CIMIP2A: variants seen among roughly 807,000 people sequenced by gnomAD.
CIMIP2A encodes ciliary microtubule inner protein 2A.
chr9:137,252,875 A>C, the CIMIP2A span: 1 of 1,590,356 alleles, frequency 6.3e-7, no homozygotes, highest in Non-Finnish European at 8.6e-7. Context: ...CAACACCTAC[A>C]ATATCCTTCC....
the CIMIP2A span, chr9:137,247,835 GC>G: frequency 1.0e-6 from 1 of 979,424 alleles, no homozygotes; most frequent in Non-Finnish European, 1.6e-6. Flanking sequence ...CACCTCCTGG[GC>G]CAGGCCACCT....
the CIMIP2A span, chr9:137,252,455 C>A: frequency 6.2e-7 from 1 of 1,610,932 alleles, no homozygotes; most frequent in Non-Finnish European, 8.5e-7. Context: ...GGCCGCAGGG[C>A]ATGGCAGACT....
At chr9:137,247,695 G>GATCA in the CIMIP2A span, 1 of 1,613,412 alleles carries the variant, frequency 6.2e-7, no homozygotes, top group South Asian at 1.1e-5. Flanking sequence ...TGAAGAGATC[G>GATCA]TGTTTCTGAG....
At chr9:137,244,138 G>A in the CIMIP2A span, 5 of 1,598,320 alleles carry the variant, frequency 3.1e-6, no homozygotes, top group South Asian at 2.2e-5. Context: ...ATTGGCCGGG[G>A]TGTGTCCATG....
At chr9:137,250,822 C>T in the CIMIP2A span, 3 of 176,896 alleles carry the variant, frequency 1.7e-5, no homozygotes, top group South Asian at 2.1e-4. Flanking sequence ...GATGGGGTGG[C>T]GGCTCCTCCT....
At chr9:137,244,311 A>G in the CIMIP2A span, 4 of 1,612,884 alleles carry the variant, frequency 2.5e-6, no homozygotes, top group African/African-American at 5.3e-5. Context: ...GAAGGTGCTA[A>G]CAAGCTCCCT....
At chr9:137,243,824 T>G in the CIMIP2A span, 2 of 1,608,148 alleles carry the variant, frequency 1.2e-6, no homozygotes, top group South Asian at 1.1e-5. Context: ...GCTGGGCTTA[T>G]GTGCCCAGGA....
the CIMIP2A span, chr9:137,252,859 TG>T: frequency 6.3e-7 from 1 of 1,582,446 alleles, no homozygotes; most frequent in Admixed American, 1.8e-5. Context: ...AGAGATGCCC[TG>T]GCCCCAACAC....
chr9:137,254,305 G>A, the CIMIP2A span, among the ~76,000 whole-genome samples: 3 of 152,258 alleles, frequency 2.0e-5, no homozygotes, highest in South Asian at 4.1e-4. Context: ...TTGGATCAAG[G>A]CACTGGAACC....
chr9:137,245,301 G>C, the CIMIP2A span: 1 of 1,580,966 alleles, frequency 6.3e-7, no homozygotes, highest in East Asian at 2.2e-5. Flanking sequence ...TGCATCCCCT[G>C]GCTGCCTGGT....
the CIMIP2A span, among the ~76,000 whole-genome samples, chr9:137,248,589 T>C: frequency 6.7e-6 from 1 of 150,296 alleles, no homozygotes; most frequent in Non-Finnish European, 1.5e-5. Context: ...CTGGGCACTG[T>C]GGCTCATGCC....
the CIMIP2A span, chr9:137,252,256 A>T: frequency 4.3e-6 from 6 of 1,406,674 alleles, no homozygotes; most frequent in Non-Finnish European, 4.8e-6. Context: ...CCCTGCGTTC[A>T]CCTCTAGGCT....
At chr9:137,245,185 G>GGGGT in the CIMIP2A span, 1 of 1,032,214 alleles carries the variant, frequency 9.7e-7, no homozygotes, top group Non-Finnish European at 1.5e-6. Context: ...CGGCGGGCGG[G>GGGGT]GGGTGGGTAC....
At chr9:137,253,404 G>C in the CIMIP2A span, 1 of 1,488,102 alleles carries the variant, frequency 6.7e-7, no homozygotes, top group Non-Finnish European at 8.9e-7. Flanking sequence ...CCTTCTATGG[G>C]CTGTGGACAA....
the CIMIP2A span, chr9:137,243,743 C>T: frequency 3.2e-5 from 52 of 1,614,026 alleles, no homozygotes; most frequent in African/African-American, 1.5e-4. Context: ...CCAGTAGGCC[C>T]TCCGGGTGCT....
At chr9:137,244,733 T>C in the CIMIP2A span, 1 of 1,612,874 alleles carries the variant, frequency 6.2e-7, no homozygotes, top group African/African-American at 1.3e-5. Flanking sequence ...GAAGCCAGCA[T>C]AGCCTGGGGG....
the CIMIP2A span, chr9:137,244,600 T>C: frequency 3.1e-6 from 5 of 1,607,188 alleles, no homozygotes; most frequent in Non-Finnish European, 4.3e-6. Context: ...AGAGGAAGTG[T>C]GTGTGTGAGC....
the CIMIP2A span, among the ~76,000 whole-genome samples, chr9:137,248,878 A>G: frequency 2.2e-4 from 33 of 152,310 alleles, no homozygotes; most frequent in Admixed American, 1.6e-3. Flanking sequence ...ACAAACAAAC[A>G]AAAAAACAAC....
chr9:137,244,152 C>G, the CIMIP2A span: 2 of 1,612,412 alleles, frequency 1.2e-6, no homozygotes, highest in Non-Finnish European at 1.7e-6. Flanking sequence ...GTCCATGTGA[C>G]CCTGCCCACT....
Sources: gnomAD v4.1 joint callset for allele counts (sites outside exome capture counted in the v4.1 genomes callset) on GRCh38, gnomAD v4.1.1 for gene constraint, MANE v1.5 for transcripts, NCBI Gene and HGNC (gene_info 2026-07-23, HGNC 2026-07-21) for gene names.